Variants in ZNF469 observed in about 807,000 individuals in gnomAD.
ZNF469 encodes zinc finger protein 469.
A neutral mutation model predicts 1.0 loss-of-function variants in ZNF469; 1 was observed. That is an observed-to-expected ratio of 1.00 (90% CI 0.35 to 4.73). The LOEUF is 4.73. ZNF469 is among the 30% of genes most tolerant of loss of function. The probability of loss-of-function intolerance (pLI) is 0.16; values close to 1 mark genes in which losing one functional copy is unlikely to be tolerated. For synonymous variants in ZNF469, 2,703 were observed against 2,363.4 expected (o/e 1.14, Z -4.17); for missense variants, 6,100 against 5,356.3 (o/e 1.14, Z -4.33).
the ZNF469 span, among the ~76,000 whole-genome samples, chr16:88,154,860 C>A: frequency 6.6e-6 from 1 of 152,318 alleles, no homozygotes; most frequent in Admixed American, 6.5e-5. Context: ...CGCTCCAGAT[C>A]ATGGGCTTTT....
At chr16:88,292,196 G>A in the ZNF469 span, among the ~76,000 whole-genome samples, 7 of 152,198 alleles carry the variant, frequency 4.6e-5, no homozygotes, top group Non-Finnish European at 1.0e-4. Context: ...CAGTGGGTGG[G>A]TGCTGCATAG....
intron 1 of ZNF469, among the ~76,000 whole-genome samples, chr16:88,393,081 C>T (rs1904533570): frequency 1.3e-5 from 2 of 152,278 alleles, no homozygotes; most frequent in Admixed American, 1.3e-4. Context: ...AAACATCTGG[C>T]CGCAGGGCCT....
At chr16:88,260,405 C>T in the ZNF469 span, among the ~76,000 whole-genome samples, 21 of 152,350 alleles carry the variant, frequency 1.4e-4, no homozygotes, top group East Asian at 3.5e-3. This position sits in a 1 kb window ranked among gnomAD's most constrained non-coding sequence, Gnocchi z 4.1. Context: ...GAGCTCTGGG[C>T]CCCTGGCCAC....
the ZNF469 span, among the ~76,000 whole-genome samples, chr16:88,309,625 A>G: frequency 2.2e-5 from 3 of 133,454 alleles, no homozygotes; most frequent in African/African-American, 9.7e-5. Context: ...GTCCCCTGTC[A>G]GTGTTCAGGA....
At chr16:88,401,706 T>TGGGTGG (rs1904872345) in intron 1 of ZNF469, among the ~76,000 whole-genome samples, 88 of 51,016 alleles carry the variant, frequency 1.7e-3, no homozygotes, top group African/African-American at 4.2e-3. Flanking sequence ...TGGATGGATA[T>TGGGTGG]ATGGGTAGAT....
At position 88,427,381 on chromosome 16, in the gene ZNF469, G is replaced by A; in HGVS notation, c.-90G>A. 1 of 1,288,288 alleles carries A rather than the reference G, an allele frequency of 7.8e-7. No homozygotes were observed. The highest frequency in any genetic ancestry group is 1.0e-6 in the Non-Finnish European group (1 of 968,860). The allele number at this position is 1,288,288 out of a possible 1,614,324, so 79.8% of individuals were successfully genotyped here. A position where few individuals can be genotyped will look rare whatever the true frequency, so the allele number is the denominator to read the frequency against. On this transcript the variant is annotated 5_prime_UTR_variant, in exon 3 of 3. Transcript: ENST00000565624. The stretch of plus-strand genomic sequence containing the variant: ...GACCATGAGCGCAGGCTTCCCTGGG[G>A]CCCATCGAGGGCTGAGGATGGCCGT...
At chr16:88,261,306 C>T in the ZNF469 span, among the ~76,000 whole-genome samples, 901 of 152,342 alleles carry the variant, frequency 5.9e-3, 11 homozygotes, top group African/African-American at 0.021. This position sits in a 1 kb window ranked among gnomAD's most constrained non-coding sequence, Gnocchi z 6.0. Flanking sequence ...GCCCCTCACA[C>T]GGCACCACCT....
chr16:88,361,859 G>A, the ZNF469 span, among the ~76,000 whole-genome samples: 5 of 152,098 alleles, frequency 3.3e-5, no homozygotes, highest in South Asian at 2.1e-4. Flanking sequence ...GTGGTTCATC[G>A]TGACTGAGTC....
chr16:88,383,578 T>C (rs1305884183), intron 1 of ZNF469, among the ~76,000 whole-genome samples: 3 of 150,044 alleles, frequency 2.0e-5, no homozygotes, highest in Non-Finnish European at 4.5e-5. Context: ...GGCAACGTAC[T>C]GGCGAGGGCC....
the ZNF469 span, among the ~76,000 whole-genome samples, chr16:88,200,918 G>A: frequency 6.6e-6 from 1 of 152,232 alleles, no homozygotes; most frequent in Non-Finnish European, 1.5e-5. Flanking sequence ...GAGACTGGAC[G>A]GTGGGCTCTG....
the ZNF469 span, among the ~76,000 whole-genome samples, chr16:88,274,940 C>T: frequency 2.0e-5 from 3 of 152,230 alleles, no homozygotes; most frequent in African/African-American, 2.4e-5. Flanking sequence ...AGCGTATACA[C>T]GCTTGGACAC....
chr16:88,130,760 C>T, the ZNF469 span, among the ~76,000 whole-genome samples: 1 of 152,022 alleles, frequency 6.6e-6, no homozygotes, highest in Admixed American at 6.5e-5. Flanking sequence ...GCGCAGCCTC[C>T]CACGCACTCA....
chr16:88,289,339 TTGA>T, the ZNF469 span, among the ~76,000 whole-genome samples: 51 of 148,596 alleles, frequency 3.4e-4, 1 homozygote, highest in African/African-American at 1.1e-3. Flanking sequence ...GATGAGGGTG[TTGA>T]TGAGGGTGTT....
At chr16:88,150,637 G>C in the ZNF469 span, among the ~76,000 whole-genome samples, 9 of 152,020 alleles carry the variant, frequency 5.9e-5, no homozygotes, top group Admixed American at 5.9e-4. Flanking sequence ...GTGGTCTTTG[G>C]ACCCACGGTG....
chr16:88,128,553 A>G, the ZNF469 span, among the ~76,000 whole-genome samples: 3 of 152,152 alleles, frequency 2.0e-5, no homozygotes, highest in Non-Finnish European at 4.4e-5. Context: ...TGAGCTCCTA[A>G]GCAAAGGTGT....
At chr16:88,357,233 A>G in the ZNF469 span, among the ~76,000 whole-genome samples, 1 of 152,186 alleles carries the variant, frequency 6.6e-6, no homozygotes, top group Non-Finnish European at 1.5e-5. Flanking sequence ...CTGTCCCTTC[A>G]AGCCACACTC....
At chr16:88,260,955 T>A in the ZNF469 span, among the ~76,000 whole-genome samples, 3 of 152,118 alleles carry the variant, frequency 2.0e-5, no homozygotes, top group East Asian at 5.8e-4. This position sits in a 1 kb window ranked among gnomAD's most constrained non-coding sequence, Gnocchi z 4.1. Context: ...GATGCAGCCA[T>A]GACCAAAACG....
At chr16:88,262,073 C>T in the ZNF469 span, among the ~76,000 whole-genome samples, 1 of 152,222 alleles carries the variant, frequency 6.6e-6, no homozygotes, top group African/African-American at 2.4e-5. This position sits in a 1 kb window ranked among gnomAD's most constrained non-coding sequence, Gnocchi z 4.3. Flanking sequence ...CGAGTGACAA[C>T]CAGGTGAGCT....
chr16:88,168,999 C>T, the ZNF469 span, among the ~76,000 whole-genome samples: 2 of 152,074 alleles, frequency 1.3e-5, no homozygotes, highest in Non-Finnish European at 2.9e-5. This position sits in a 1 kb window ranked among gnomAD's most constrained non-coding sequence, Gnocchi z 4.3. Flanking sequence ...AGGGAGGACG[C>T]CATCTGGAAG....
Sources: gnomAD v4.1 joint callset for allele counts (sites outside exome capture counted in the v4.1 genomes callset) on GRCh38, gnomAD v4.1.1 for gene constraint, Gnocchi (gnomAD v3.1) non-coding constraint, MANE v1.5 for transcripts, NCBI Gene and HGNC (gene_info 2026-07-23, HGNC 2026-07-21) for gene names.